The following SHROOM2 variants were observed in gnomAD, a reference collection of about 807,000 sequenced individuals.
The protein encoded by SHROOM2 is shroom family member 2.
In SHROOM2, 33 loss-of-function variants were observed where a neutral mutation model predicts 75.9. The observed-to-expected ratio is 0.43, with a 90% CI of 0.33 to 0.58. SHROOM2 has a LOEUF of 0.58. Among genes scored for constraint, SHROOM2 ranks in the 20% least tolerant of loss-of-function variants. The probability of loss-of-function intolerance (pLI) is 0.04; values close to 1 mark genes in which losing one functional copy is unlikely to be tolerated. For synonymous variants in SHROOM2, 655 were observed against 663.6 expected (o/e 0.99, Z 0.20); for missense variants, 1,434 against 1,461.2 (o/e 0.98, Z 0.30).
At chrX:9,799,154 A>ATTTTT (rs1569135161) in intron 1 of SHROOM2, among the ~76,000 whole-genome samples, 1 of 59,398 alleles carries the variant, frequency 1.7e-5, no homozygotes, top group African/African-American at 1.1e-4. Flanking sequence ...GGAGAGTTTA[A>ATTTTT]TTCTTTTTTT....
At chrX:9,853,497 G>A (rs1031668395) in intron 1 of SHROOM2, among the ~76,000 whole-genome samples, 10 of 111,906 alleles carry the variant, frequency 8.9e-5, no homozygotes, top group East Asian at 5.6e-4. Flanking sequence ...AAGGCTCTGG[G>A]GGAAGAGCCT....
intron 6 of SHROOM2, among the ~76,000 whole-genome samples, chrX:9,935,335 T>TTATTATTATTATTATTATTTA (rs1160776258): frequency 3.0e-5 from 3 of 98,653 alleles, no homozygotes; most frequent in African/African-American, 1.2e-4. Context: ...ATTATTATTA[T>TTATTATTATTATTATTATTTA]TTATTATTAT....
At chrX:9,920,502 T>G (rs1485061532) in intron 5 of SHROOM2, among the ~76,000 whole-genome samples, 2 of 112,344 alleles carry the variant, frequency 1.8e-5, no homozygotes, top group Admixed American at 1.9e-4. Context: ...TTGTCAATAA[T>G]AGATCATACC....
Position 9,934,895 on chromosome X carries a change from C to G in SHROOM2, c.3587+2025C>G, listed in dbSNP as rs1479463408. 2.7e-5 allele frequency among the ~76,000 whole-genome samples: 3 copies of G among 110,900 alleles called. No individual in the cohort carries two copies. In the Admixed American group the frequency reaches 2.9e-4, roughly 11 times the overall value. The stretch of plus-strand genomic sequence containing the variant: ...TCAAGTGATTCTGCTGCCTCAGCCT[C>G]CCGAGTAGCTGGGATTACAGGCACC... On this transcript the variant is annotated intron_variant, in intron 6 of 9. Coordinates refer to ENST00000380913, the MANE Select transcript of SHROOM2 (RefSeq NM_001649.4).
At chrX:9,928,212 G>A (rs966181320) in intron 5 of SHROOM2, among the ~76,000 whole-genome samples, 9 of 112,416 alleles carry the variant, frequency 8.0e-5, no homozygotes, top group Non-Finnish European at 1.1e-4. Context: ...GATCTCTGAA[G>A]CCACTGCTGC....
At chrX:9,921,853 G>A (rs1463704983) in intron 5 of SHROOM2, among the ~76,000 whole-genome samples, 1 of 111,713 alleles carries the variant, frequency 9.0e-6, no homozygotes, top group Admixed American at 9.5e-5. Context: ...ATCTGTCAAT[G>A]TCTGCTTAGG....
At chrX:9,940,982 G>A (rs2084763759) in intron 8 of SHROOM2, among the ~76,000 whole-genome samples, 1 of 111,866 alleles carries the variant, frequency 8.9e-6, no homozygotes, top group South Asian at 3.7e-4. Flanking sequence ...AGGGGGCTCT[G>A]GTGGCTGGTA....
intron 6 of SHROOM2, among the ~76,000 whole-genome samples, chrX:9,933,787 C>T (rs1055376002): frequency 1.2e-4 from 13 of 111,811 alleles, no homozygotes; most frequent in African/African-American, 3.9e-4. Flanking sequence ...AAAAGAGCAC[C>T]GGCTGTTTAG....
In SHROOM2 at chrX:9,896,580, G is replaced by A. The variant is rs142235851; in HGVS notation, c.2672G>A (p.Ser891Asn). Residue 891 changes from serine to asparagine, a missense_variant, in exon 4 of 10, where the codon AGC (serine) becomes AAC (asparagine). Physicochemically the swap from Ser to Asn is conservative, Grantham distance 46. Coordinates refer to ENST00000380913, the MANE Select transcript of SHROOM2 (RefSeq NM_001649.4). The part of the protein sequence containing the change: ...KEQRKPLEAR[S>N]SGRCHSADDI... ...CAGAGGAAACCTCTGGAGGCCAGGA[G>A]CTCTGGGCGCTGCCACTCAGCGGAT... 5.8e-6 allele frequency: 7 copies of A among 1,209,307 alleles called. No individual in the cohort carries two copies. The South Asian group carries it at 7.1e-5, about 12-fold the overall frequency.
chrX:9,893,011 T>C (rs1402911033), intron 3 of SHROOM2, among the ~76,000 whole-genome samples: 2 of 112,744 alleles, frequency 1.8e-5, no homozygotes, highest in African/African-American at 3.2e-5. Context: ...CCATCCTGTT[T>C]AGGAGCCTGT....
At chrX:9,818,645 T>C (rs1297031477) in intron 1 of SHROOM2, 4 of 350,932 alleles carry the variant, frequency 1.1e-5, no homozygotes, top group African/African-American at 5.2e-5. Context: ...GTATTTCTTA[T>C]GTGTTCTCTA....
intron 1 of SHROOM2, among the ~76,000 whole-genome samples, chrX:9,814,026 G>C (rs1046447756): frequency 8.9e-6 from 1 of 111,894 alleles, no homozygotes; most frequent in African/African-American, 3.2e-5. Flanking sequence ...AAAGATGCAG[G>C]TGCTGCCCTC....
chrX:9,802,220 C>T (rs1357284749), intron 1 of SHROOM2, among the ~76,000 whole-genome samples: 1 of 110,627 alleles, frequency 9.0e-6, no homozygotes, highest in Non-Finnish European at 1.9e-5. Context: ...AGTCGTGCCT[C>T]ACCATGCCCA....
intron 3 of SHROOM2, among the ~76,000 whole-genome samples, chrX:9,892,693 G>A (rs186424375): frequency 7.3e-4 from 81 of 111,621 alleles, no homozygotes; most frequent in Non-Finnish European, 1.2e-3. Context: ...TTGAGGATAC[G>A]TGGTCTGTTC....
At chrX:9,871,204 G>A (rs913464296) in intron 1 of SHROOM2, among the ~76,000 whole-genome samples, 8 of 111,956 alleles carry the variant, frequency 7.1e-5, no homozygotes, top group African/African-American at 2.6e-4. Flanking sequence ...GGTTCAGGGG[G>A]CAATAGAAAT....
intron 1 of SHROOM2, among the ~76,000 whole-genome samples, chrX:9,852,067 C>T (rs1441690153): frequency 4.5e-5 from 5 of 111,325 alleles, no homozygotes; most frequent in African/African-American, 1.3e-4. Context: ...AGAGAGGGCA[C>T]GCTCGTTAAA....
intron 1 of SHROOM2, among the ~76,000 whole-genome samples, chrX:9,857,448 G>T (rs1049728397): frequency 3.7e-5 from 4 of 109,169 alleles, no homozygotes; most frequent in African/African-American, 1.3e-4. Flanking sequence ...GCAGAGTGGT[G>T]CAGTCACGGC....
At chrX:9,811,765 A>G (rs2083792705) in intron 1 of SHROOM2, among the ~76,000 whole-genome samples, 1 of 111,701 alleles carries the variant, frequency 9.0e-6, no homozygotes. Flanking sequence ...TATCATGCAG[A>G]ACTGTCTGTG....
chrX:9,924,711 A>AGTG (rs775989962), intron 5 of SHROOM2, among the ~76,000 whole-genome samples: 4 of 108,094 alleles, frequency 3.7e-5, no homozygotes, highest in Non-Finnish European at 7.5e-5. Flanking sequence ...GCTGGAGTGC[A>AGTG]GTGGTGTGAT....
Sources: allele counts gnomAD v4.1 joint callset (sites outside exome capture counted in the v4.1 genomes callset), GRCh38; gene constraint gnomAD v4.1.1; transcripts MANE v1.5; gene names NCBI Gene and HGNC (gene_info 2026-07-23, HGNC 2026-07-21).